EPHA6: variants seen among roughly 807,000 people sequenced by gnomAD.
EPHA6 encodes the protein ephrin type-A receptor 6.
A neutral mutation model predicts 112.0 loss-of-function variants in EPHA6; 50 were observed. That is an observed-to-expected ratio of 0.45 (90% confidence interval 0.36 to 0.56). The LOEUF is 0.56. Among genes scored for constraint, EPHA6 ranks in the 20% least tolerant of loss-of-function variants. EPHA6 has a pLI of 0.00. For missense variants in EPHA6, 1,280 were observed against 1,417.4 expected (o/e 0.90, Z 1.56); for synonymous variants, 529 against 490.7 (o/e 1.08, Z -1.03).
chr3:97,013,292 A>G (rs1380285901), intron 3 of EPHA6, among the ~76,000 whole-genome samples: 2 of 152,138 alleles, frequency 1.3e-5, no homozygotes, highest in Non-Finnish European at 2.9e-5. Context: ...TTTGTGTAAA[A>G]GTATACACAG....
intron 5 of EPHA6, among the ~76,000 whole-genome samples, chr3:97,331,790 A>T (rs965093895): frequency 6.6e-6 from 1 of 152,150 alleles, no homozygotes; most frequent in Admixed American, 6.6e-5. Context: ...GACCAGATGG[A>T]TTCACAGCCG....
At chr3:97,276,512 T>C (rs757411194) in intron 5 of EPHA6, among the ~76,000 whole-genome samples, 1 of 152,110 alleles carries the variant, frequency 6.6e-6, no homozygotes, top group Non-Finnish European at 1.5e-5. Context: ...TTGGAAGTTC[T>C]TGTGTGCTGG....
chr3:96,825,328 T>G (rs1403206413), intron 1 of EPHA6, among the ~76,000 whole-genome samples: 1 of 151,838 alleles, frequency 6.6e-6, no homozygotes, highest in African/African-American at 2.4e-5. Flanking sequence ...AGAGCTTTCT[T>G]TAAAATATAA....
intron 5 of EPHA6, among the ~76,000 whole-genome samples, chr3:97,274,231 G>T (rs1429529315): frequency 6.6e-6 from 1 of 152,190 alleles, no homozygotes. Flanking sequence ...ATTGATAGGT[G>T]GAAGTTTCAG....
At chr3:97,251,346 C>T (rs1048531834) in intron 5 of EPHA6, among the ~76,000 whole-genome samples, 1 of 151,794 alleles carries the variant, frequency 6.6e-6, no homozygotes, top group African/African-American at 2.4e-5. Context: ...CTGGCTAACA[C>T]AGTGAAACCC....
intron 6 of EPHA6, among the ~76,000 whole-genome samples, chr3:97,443,745 A>G (rs544967968): frequency 4.6e-5 from 7 of 152,150 alleles, no homozygotes; most frequent in Admixed American, 2.6e-4. Flanking sequence ...TTTTCTTCCA[A>G]TTGAGGAACT....
At chr3:96,891,343 ATACAG>A (rs2037950326) in intron 2 of EPHA6, among the ~76,000 whole-genome samples, 2 of 152,226 alleles carry the variant, frequency 1.3e-5, no homozygotes, top group Admixed American at 1.3e-4. Flanking sequence ...CAAAGAGCAC[ATACAG>A]TGTGATTCCA....
intron 2 of EPHA6, among the ~76,000 whole-genome samples, chr3:96,893,564 G>A (rs1030261683): frequency 2.6e-5 from 4 of 152,140 alleles, no homozygotes; most frequent in African/African-American, 4.8e-5. Context: ...CCAGTCAGGC[G>A]TGTCCCATTC....
At chr3:97,351,692 C>T (rs1353063988) in intron 5 of EPHA6, among the ~76,000 whole-genome samples, 1 of 151,976 alleles carries the variant, frequency 6.6e-6, no homozygotes, top group Non-Finnish European at 1.5e-5. Context: ...ATTGAAGTTG[C>T]TATCTAGGAT....
At chr3:97,201,469 G>A (rs1217480010) in intron 3 of EPHA6, among the ~76,000 whole-genome samples, 1 of 151,914 alleles carries the variant, frequency 6.6e-6, no homozygotes, top group Non-Finnish European at 1.5e-5. Context: ...TTCTTAATTG[G>A]GATGCTTTTA....
intron 7 of EPHA6, chr3:97,466,381 A>C (rs748637785): frequency 6.2e-7 from 1 of 1,608,994 alleles, no homozygotes. Context: ...ATTTACATCC[A>C]GTCTAATTAT....
intron 3 of EPHA6, among the ~76,000 whole-genome samples, chr3:97,057,978 T>A (rs964087117): frequency 1.3e-5 from 2 of 152,190 alleles, no homozygotes; most frequent in East Asian, 3.9e-4. Flanking sequence ...TTTTCCTAAA[T>A]AATAATATTG....
chr3:97,054,595 G>T (rs2045793163), intron 3 of EPHA6, among the ~76,000 whole-genome samples: 1 of 152,026 alleles, frequency 6.6e-6, no homozygotes, highest in South Asian at 2.1e-4. Context: ...CACTTTCTAA[G>T]TCATTATGTC....
intron 11 of EPHA6, among the ~76,000 whole-genome samples, chr3:97,537,482 A>G (rs2092780458): frequency 6.6e-6 from 1 of 152,146 alleles, no homozygotes; most frequent in Non-Finnish European, 1.5e-5. Flanking sequence ...TTATTTCCCA[A>G]TATGGTGTGG....
chr3:97,535,198 C>T (rs1295535619), intron 11 of EPHA6, among the ~76,000 whole-genome samples: 1 of 151,936 alleles, frequency 6.6e-6, no homozygotes, highest in Non-Finnish European at 1.5e-5. Context: ...ACATAAGCAT[C>T]CAACATAGTG....
chr3:97,489,488 A>G (rs1323011766), intron 10 of EPHA6, among the ~76,000 whole-genome samples: 1 of 152,132 alleles, frequency 6.6e-6, no homozygotes, highest in Non-Finnish European at 1.5e-5. Context: ...GATCAAGACA[A>G]TCTTGGCTAA....
intron 5 of EPHA6, among the ~76,000 whole-genome samples, chr3:97,396,897 A>G (rs2086724461): frequency 6.6e-6 from 1 of 151,890 alleles, no homozygotes; most frequent in East Asian, 1.9e-4. Flanking sequence ...ATACTCATCT[A>G]ATTGTAAATG....
At chr3:97,333,468 C>CTTTTTTTTTTTTTTTTTTTTTTTT (rs869258362) in intron 5 of EPHA6, among the ~76,000 whole-genome samples, 1 of 75,880 alleles carries the variant, frequency 1.3e-5, no homozygotes, top group African/African-American at 5.7e-5. Flanking sequence ...TATGGCTTTT[C>CTTTTTTTTTTTTTTTTTTTTTTTT]TTTTTTTTTT....
intron 15 of EPHA6, among the ~76,000 whole-genome samples, chr3:97,734,562 T>C (rs972310964): frequency 3.3e-5 from 5 of 152,048 alleles, no homozygotes; most frequent in African/African-American, 1.2e-4. Flanking sequence ...TCCCTATTAC[T>C]AAAAAAGCTA....
Sources: allele counts gnomAD v4.1 joint callset (sites outside exome capture counted in the v4.1 genomes callset), GRCh38; gene constraint gnomAD v4.1.1; transcripts MANE v1.5; gene names NCBI Gene and HGNC (gene_info 2026-07-23, HGNC 2026-07-21).